PKP4: variants seen among roughly 807,000 people sequenced by gnomAD.
The protein encoded by PKP4 is plakophilin 4.
A neutral mutation model predicts 145.1 loss-of-function variants in PKP4; 90 were observed. The ratio of observed to expected loss-of-function variants is 0.62; its 90% CI spans 0.52 to 0.74. PKP4 has a LOEUF of 0.74. Among genes scored for constraint, PKP4 ranks in the 30% least tolerant of loss-of-function variants. PKP4 has a pLI of 0.00. For synonymous variants in PKP4, 563 were observed against 577.2 expected (o/e 0.98, Z 0.35); for missense variants, 1,340 against 1,482.7 (o/e 0.90, Z 1.58).
intron 3 of PKP4, among the ~76,000 whole-genome samples, chr2:158,592,508 C>A (rs530788198): frequency 1.1e-4 from 16 of 152,104 alleles, no homozygotes; most frequent in African/African-American, 2.9e-4. Flanking sequence ...CAGAGAGAAA[C>A]CTTTCTTTTT....
At chr2:158,577,985 G>A (rs575030460) in intron 3 of PKP4, among the ~76,000 whole-genome samples, 1 of 152,196 alleles carries the variant, frequency 6.6e-6, no homozygotes, top group South Asian at 2.1e-4. Flanking sequence ...GTTCCGAATA[G>A]TTAAATCACT....
chr2:158,470,188 T>C (rs1413551773), intron 1 of PKP4, among the ~76,000 whole-genome samples: 1 of 147,254 alleles, frequency 6.8e-6, no homozygotes. Flanking sequence ...GCAACGATGC[T>C]TTCTTTGAGT....
intron 2 of PKP4, among the ~76,000 whole-genome samples, chr2:158,546,426 A>G (rs1559304336): frequency 6.6e-6 from 1 of 152,224 alleles, no homozygotes; most frequent in Non-Finnish European, 1.5e-5. Flanking sequence ...AGCACTGCAT[A>G]TTTAAACCTG....
intron 1 of PKP4, among the ~76,000 whole-genome samples, chr2:158,481,859 C>T (rs1393787171): frequency 6.6e-6 from 1 of 152,058 alleles, no homozygotes; most frequent in African/African-American, 2.4e-5. Flanking sequence ...TAAAAATAAG[C>T]AAAACTGGTT....
At chr2:158,568,161 C>T (rs1559335977) in intron 2 of PKP4, among the ~76,000 whole-genome samples, 1 of 152,050 alleles carries the variant, frequency 6.6e-6, no homozygotes, top group Non-Finnish European at 1.5e-5. Context: ...TGGTGAAACC[C>T]CTTCTCTACT....
rs144207416 is a variant in PKP4 at position 158,495,833 on chromosome 2, C to CTAAA, written c.-5-37303_-5-37300dup. 6.2e-3 allele frequency among the ~76,000 whole-genome samples: 889 copies of CTAAA among 143,916 alleles called. 8 individuals are homozygous for CTAAA. The highest frequency in any genetic ancestry group is 8.3e-3 in the Non-Finnish European group (550 of 66,370). 94.4% of individuals were successfully genotyped at this position (143,916 alleles called of 152,430 possible). On this transcript the variant is annotated intron_variant, in intron 1 of 21. Coordinates refer to ENST00000389759, the MANE Select transcript of PKP4 (RefSeq NM_003628.6). ...TGGGCGACAGAGCAAGACTCTGTCTCTAAATAAATAAATAAATAAATAAAT... is the reference window on the plus strand; with the variant it reads ...TGGGCGACAGAGCAAGACTCTGTCTCTAAATAAATAAATAAATAAATAAATAAAT...
At chr2:158,546,655 G>A (rs78625242) in intron 2 of PKP4, among the ~76,000 whole-genome samples, 1 of 152,290 alleles carries the variant, frequency 6.6e-6, no homozygotes, top group South Asian at 2.1e-4. Context: ...GTGCAGCTCA[G>A]AGGATAGAAG....
intron 2 of PKP4, among the ~76,000 whole-genome samples, chr2:158,540,157 A>C (rs2044389705): frequency 6.6e-6 from 1 of 152,184 alleles, no homozygotes; most frequent in Non-Finnish European, 1.5e-5. Context: ...TTCCAGTCTT[A>C]TATGTCCTCA....
intron 10 of PKP4, among the ~76,000 whole-genome samples, chr2:158,641,510 A>G (rs1159791911): frequency 6.6e-6 from 1 of 152,192 alleles, no homozygotes; most frequent in Admixed American, 6.6e-5. Context: ...TGGTATTTAT[A>G]GAAACATAGC....
chr2:158,652,236 C>T (rs2055432718), intron 11 of PKP4, among the ~76,000 whole-genome samples: 1 of 152,190 alleles, frequency 6.6e-6, no homozygotes, highest in Non-Finnish European at 1.5e-5. Flanking sequence ...CAGTGCATCT[C>T]AGTTTGGACT....
At chr2:158,492,817 A>C (rs1695141811) in intron 1 of PKP4, among the ~76,000 whole-genome samples, 1 of 152,238 alleles carries the variant, frequency 6.6e-6, no homozygotes, top group Non-Finnish European at 1.5e-5. Context: ...GAAAATGCAG[A>C]CTAACCAAAA....
chr2:158,680,297 G>C, intron 21 of PKP4, 132 bp from the exon 22 acceptor site: 1 of 698,676 alleles, frequency 1.4e-6, no homozygotes, highest in Non-Finnish European at 2.4e-6. Context: ...ACCAGAAACA[G>C]CTTTTAACCT....
At chr2:158,494,228 ATATT>A (rs1407477601) in intron 1 of PKP4, among the ~76,000 whole-genome samples, 4 of 152,102 alleles carry the variant, frequency 2.6e-5, no homozygotes, top group African/African-American at 9.7e-5. Flanking sequence ...AGCAGAGTAT[ATATT>A]TATATTATGT....
intron 2 of PKP4, among the ~76,000 whole-genome samples, chr2:158,576,246 G>A (rs1321527174): frequency 1.3e-5 from 2 of 152,188 alleles, no homozygotes; most frequent in Non-Finnish European, 2.9e-5. Context: ...AATGGCAAAC[G>A]AATGTATACA....
intron 4 of PKP4, among the ~76,000 whole-genome samples, chr2:158,620,677 A>G (rs1051137776): frequency 6.6e-6 from 1 of 152,186 alleles, no homozygotes; most frequent in Non-Finnish European, 1.5e-5. Context: ...CAGTCTTTTA[A>G]TCCCTTGGAG....
intron 3 of PKP4, 75 bp from the exon 4 acceptor site, chr2:158,602,995 A>T (rs1402846710): frequency 2.5e-6 from 2 of 790,758 alleles, no homozygotes; most frequent in Non-Finnish European, 4.1e-6. Flanking sequence ...AAATGTTAAT[A>T]TGCAAAACAG....
intron 11 of PKP4, among the ~76,000 whole-genome samples, chr2:158,653,389 C>G (rs1019375261): frequency 6.6e-6 from 1 of 152,156 alleles, no homozygotes; most frequent in Non-Finnish European, 1.5e-5. Flanking sequence ...AATGTGAGCT[C>G]TTTCAAAATT....
chr2:158,662,712 G>A, intron 13 of PKP4, 185 bp from the exon 14 acceptor site: 1 of 495,972 alleles, frequency 2.0e-6, no homozygotes, highest in Non-Finnish European at 3.5e-6. Context: ...TCTGCATCCT[G>A]TCATCTGGGT....
intron 1 of PKP4, among the ~76,000 whole-genome samples, chr2:158,491,783 G>C (rs1694977725): frequency 1.3e-5 from 2 of 151,734 alleles, no homozygotes; most frequent in African/African-American, 2.4e-5. Context: ...TATTCTTCGT[G>C]CTTTCTTTTT....
Sources: allele counts gnomAD v4.1 joint callset (sites outside exome capture counted in the v4.1 genomes callset), GRCh38; gene constraint gnomAD v4.1.1; transcripts MANE v1.5; gene names NCBI Gene and HGNC (gene_info 2026-07-23, HGNC 2026-07-21).